The following PAAF1 variants were observed in gnomAD, a reference collection of about 807,000 sequenced individuals.
The protein encoded by PAAF1 is proteasomal ATPase associated factor 1.
Under a neutral mutation model 52.8 loss-of-function variants are expected in PAAF1, and 46 were observed. The ratio of observed to expected loss-of-function variants is 0.87; its 90% CI spans 0.69 to 1.11. The LOEUF (loss-of-function observed/expected upper bound fraction) is 1.11, where lower values mean the gene tolerates loss of function less well. PAAF1 is among the 50% of genes most tolerant of loss of function. The probability of loss-of-function intolerance (pLI) is 0.00; values close to 1 mark genes in which losing one functional copy is unlikely to be tolerated. For missense variants in PAAF1, 424 were observed against 477.4 expected (o/e 0.89, Z 1.04); for synonymous variants, 178 against 172.8 (o/e 1.03, Z -0.24).
intron 2 of PAAF1, among the ~76,000 whole-genome samples, chr11:73,881,607 C>T (rs891332428): frequency 3.9e-5 from 6 of 152,054 alleles, no homozygotes; most frequent in African/African-American, 1.4e-4. Context: ...TTTAAAAAAA[C>T]ATTATCAAGT....
At chr11:73,880,855 C>G (rs1948884890) in intron 2 of PAAF1, among the ~76,000 whole-genome samples, 1 of 151,730 alleles carries the variant, frequency 6.6e-6, no homozygotes, top group Admixed American at 6.6e-5. Flanking sequence ...AAAAAATTAC[C>G]TGGGCGTGGT....
intron 11 of PAAF1, 24 bp downstream of exon 11, chr11:73,924,721 AC>A: frequency 6.3e-7 from 1 of 1,587,180 alleles, no homozygotes; most frequent in Non-Finnish European, 8.6e-7. Flanking sequence ...ACGACACCAG[AC>A]CTGGGTGATT....
intron 2 of PAAF1, chr11:73,886,947 C>T: frequency 9.9e-6 from 4 of 402,668 alleles, no homozygotes; most frequent in South Asian, 5.7e-5. Flanking sequence ...TAAAAAGATC[C>T]TGGCATCTCC....
chr11:73,899,451 G>A (rs1591077946), intron 5 of PAAF1, among the ~76,000 whole-genome samples: 1 of 116,156 alleles, frequency 8.6e-6, no homozygotes, highest in East Asian at 2.5e-4. Context: ...TTGCTGTGTT[G>A]CCCAGGCTGG....
chr11:73,878,330 A>G (rs1000568787), intron 1 of PAAF1, among the ~76,000 whole-genome samples: 3 of 152,152 alleles, frequency 2.0e-5, no homozygotes, highest in Non-Finnish European at 4.4e-5. Flanking sequence ...AAATGCATAG[A>G]CCCTTTCCAT....
intron 7 of PAAF1, among the ~76,000 whole-genome samples, chr11:73,910,610 T>C (rs1012125004): frequency 2.0e-5 from 3 of 152,164 alleles, no homozygotes; most frequent in African/African-American, 7.2e-5. Flanking sequence ...AGGACAATGT[T>C]TTTTCTACTG....
chr11:73,927,456 TTTAA>T lies in PAAF1; in HGVS notation c.*96_*99del. The T allele has an allele frequency of 9.4e-7, 1 of 1,069,132 alleles. No homozygotes were observed. The highest frequency in any genetic ancestry group is 1.4e-6 in the Non-Finnish European group (1 of 706,348). The allele number at this position is 1,069,132 out of a possible 1,614,324, so 66.2% of individuals were successfully genotyped here. On this transcript the variant is annotated 3_prime_UTR_variant, in exon 12 of 12. Transcript: ENST00000310571. ...TCAGTCCTTCCCAAGGACCATGGCG[TTTAA>T]TGTCTTGGGCACCCCTTGGAAATCA...
chr11:73,913,152 C>G (rs922583640), intron 7 of PAAF1, among the ~76,000 whole-genome samples: 7 of 152,216 alleles, frequency 4.6e-5, no homozygotes, highest in African/African-American at 1.7e-4. Context: ...TCTGGGATTA[C>G]AGGCGTGAGC....
chr11:73,927,467 G>C lies in PAAF1; in HGVS notation c.*105G>C. Reference sequence around the variant, plus strand: ...CAAGGACCATGGCGTTTAATGTCTTGGGCACCCCTTGGAAATCACAGAAAG... The same window carrying C: ...CAAGGACCATGGCGTTTAATGTCTTCGGCACCCCTTGGAAATCACAGAAAG... On this transcript the variant is annotated 3_prime_UTR_variant, in exon 12 of 12. Coordinates refer to ENST00000310571, the MANE Select transcript of PAAF1 (RefSeq NM_025155.3). 2.1e-6 allele frequency: 2 copies of C among 958,918 alleles called. No individual in the cohort carries two copies. The highest frequency in any genetic ancestry group is 1.6e-6 in the Non-Finnish European group (1 of 614,842). 59.4% of individuals were successfully genotyped at this position (958,918 alleles called of 1,614,324 possible).
At chr11:73,882,805 G>A (rs1397350424) in intron 2 of PAAF1, among the ~76,000 whole-genome samples, 2 of 152,066 alleles carry the variant, frequency 1.3e-5, no homozygotes, top group African/African-American at 4.8e-5. Context: ...GGGTTTCACC[G>A]TGTTAAGCAG....
At chr11:73,926,837 A>G (rs1300660527) in intron 11 of PAAF1, among the ~76,000 whole-genome samples, 3 of 152,188 alleles carry the variant, frequency 2.0e-5, no homozygotes, top group Non-Finnish European at 4.4e-5. Flanking sequence ...GCTAGTTGGT[A>G]GTAAAGCTGA....
chr11:73,882,100 C>T (rs1194489375), intron 2 of PAAF1, among the ~76,000 whole-genome samples: 4 of 151,684 alleles, frequency 2.6e-5, no homozygotes, highest in African/African-American at 9.7e-5. Flanking sequence ...AGGCTGGTCT[C>T]GAACTCCCAA....
Position 73,914,480 on chromosome 11 carries a change from C to G in PAAF1, c.795C>G (p.Cys265Trp). Residue 265 changes from cysteine to tryptophan, a missense_variant, in exon 8 of 12, where the codon TGC becomes TGG. By Grantham distance (215) the Cys-to-Trp change is radical. Coordinates refer to ENST00000310571, the MANE Select transcript of PAAF1 (RefSeq NM_025155.3). ...LLAREDKKLQ[C>W]LGLQSRQLVF... ...CCCGGGAAGATAAGAAACTTCAGTGCTTGGGACTACAGAGCAGGCAGCTGG... is the reference window on the plus strand; with the variant it reads ...CCCGGGAAGATAAGAAACTTCAGTGGTTGGGACTACAGAGCAGGCAGCTGG... The G allele has an allele frequency of 6.2e-7, 1 of 1,613,978 alleles. No individual in the cohort carries two copies. Among genetic ancestry groups the G allele is most frequent in the East Asian group, 2.2e-5 (1 of 44,876 alleles).
intron 8 of PAAF1, among the ~76,000 whole-genome samples, chr11:73,915,434 C>T (rs1204978967): frequency 1.3e-5 from 2 of 152,130 alleles, no homozygotes; most frequent in Non-Finnish European, 2.9e-5. Flanking sequence ...AAACCCATCT[C>T]TATTAAAAAT....
chr11:73,916,574 C>G lies in PAAF1; in HGVS notation c.849C>G (p.Phe283Leu), dbSNP rs1170726654. Residue 283 changes from phenylalanine (F) to leucine (L), a missense_variant, in exon 9 of 12, where the codon TTC becomes TTG. Coordinates refer to ENST00000310571, the MANE Select transcript of PAAF1 (RefSeq NM_025155.3). Reference sequence around the variant, plus strand: ...TCCTCTTTATTGGCTCAGACGCTTTCAACTGCTGTACTTTTCTCTCTGGCT... The same window carrying G: ...TCCTCTTTATTGGCTCAGACGCTTTGAACTGCTGTACTTTTCTCTCTGGCT... ...LVFLFIGSDA[F>L]NCCTFLSGFL... The G allele has an allele frequency of 6.2e-7, 1 of 1,613,718 alleles. No homozygotes were observed. Among genetic ancestry groups the G allele is most frequent in the Admixed American group, 1.7e-5 (1 of 59,972 alleles).
chr11:73,896,826 C>T (rs566746894), intron 4 of PAAF1, among the ~76,000 whole-genome samples: 11 of 152,252 alleles, frequency 7.2e-5, no homozygotes, highest in East Asian at 1.9e-4. Flanking sequence ...ACCTCCCAGA[C>T]GGGGTGGTGG....
intron 3 of PAAF1, 57 bp from the exon 4 acceptor site, chr11:73,891,055 A>G: frequency 2.9e-6 from 3 of 1,026,304 alleles, no homozygotes; most frequent in Non-Finnish European, 4.5e-6. Context: ...AGAGGCTTTA[A>G]TTATAATACA....
intron 2 of PAAF1, among the ~76,000 whole-genome samples, chr11:73,883,573 G>A (rs1398923531): frequency 6.6e-6 from 1 of 151,776 alleles, no homozygotes; most frequent in East Asian, 1.9e-4. Flanking sequence ...AAGTATAGTG[G>A]CACAATCTCG....
At chr11:73,914,831 C>T (rs1002900838) in intron 8 of PAAF1, among the ~76,000 whole-genome samples, 7 of 151,812 alleles carry the variant, frequency 4.6e-5, no homozygotes, top group African/African-American at 1.5e-4. Context: ...CATCAGCCTC[C>T]TGAGTAGCTG....
Sources: allele counts gnomAD v4.1 joint callset (sites outside exome capture counted in the v4.1 genomes callset), GRCh38; gene constraint gnomAD v4.1.1; transcripts MANE v1.5; gene names NCBI Gene and HGNC (gene_info 2026-07-23, HGNC 2026-07-21).